FRMD6: variants seen among roughly 807,000 people sequenced by gnomAD.
FRMD6 encodes FERM domain containing 6.
In FRMD6, 37 loss-of-function variants were observed where a neutral mutation model predicts 73.2. The observed-to-expected ratio is 0.51, with a 90% CI of 0.39 to 0.66. FRMD6 has a LOEUF of 0.66. FRMD6 is among the 30% of genes least tolerant of loss of function. The pLI is 0.00. For synonymous variants in FRMD6, 273 were observed against 282.2 expected, an observed-to-expected ratio of 0.97 and a Z score of 0.33; for missense variants, 714 against 780.5, an observed-to-expected ratio of 0.91 and a Z score of 1.02.
intron 1 of FRMD6, among the ~76,000 whole-genome samples, chr14:51,490,616 TTG>T (rs58046471): frequency 4.6e-4 from 68 of 148,092 alleles, no homozygotes; most frequent in African/African-American, 1.6e-3. Flanking sequence ...TGTGTGTATT[TTG>T]TGTGTGTGTG....
At chr14:51,432,522 A>G in the FRMD6 span, among the ~76,000 whole-genome samples, 7 of 152,162 alleles carry the variant, frequency 4.6e-5, no homozygotes, top group African/African-American at 1.7e-4. Flanking sequence ...CCCAGTATGA[A>G]ACATGAGGAC....
intron 6 of FRMD6, among the ~76,000 whole-genome samples, chr14:51,707,469 C>T (rs1333496902): frequency 1.3e-5 from 2 of 152,136 alleles, no homozygotes; most frequent in Admixed American, 6.6e-5. Context: ...TCTGAAAGCC[C>T]AGAGTACTGT....
At chr14:51,654,180 C>T (rs938225286) in intron 1 of FRMD6, among the ~76,000 whole-genome samples, 4 of 151,894 alleles carry the variant, frequency 2.6e-5, no homozygotes, top group African/African-American at 7.3e-5. Flanking sequence ...TACAGGAAAA[C>T]GCCTGAAAAC....
chr14:51,607,993 G>A (rs1359080520), intron 2 of FRMD6, among the ~76,000 whole-genome samples: 1 of 152,198 alleles, frequency 6.6e-6, no homozygotes, highest in African/African-American at 2.4e-5. Flanking sequence ...ATTATTTGAG[G>A]CTCTGGGCAG....
chr14:51,508,861 C>T (rs1398093343), intron 1 of FRMD6, among the ~76,000 whole-genome samples: 1 of 152,198 alleles, frequency 6.6e-6, no homozygotes, highest in African/African-American at 2.4e-5. Context: ...TCACTCTCTT[C>T]CCACCCTTTT....
the FRMD6 span, among the ~76,000 whole-genome samples, chr14:51,475,190 AT>A: frequency 1.3e-5 from 2 of 152,008 alleles, no homozygotes; most frequent in Non-Finnish European, 2.9e-5. Flanking sequence ...AGCCAATTAT[AT>A]TTTTCATTAT....
At chr14:51,426,422 A>G in the FRMD6 span, among the ~76,000 whole-genome samples, 1 of 151,974 alleles carries the variant, frequency 6.6e-6, no homozygotes, top group Non-Finnish European at 1.5e-5. Context: ...AGAAGTCTCT[A>G]CTTTTGTCTG....
chr14:51,659,091 A>C (rs1222010165), intron 1 of FRMD6, among the ~76,000 whole-genome samples: 1 of 152,176 alleles, frequency 6.6e-6, no homozygotes, highest in East Asian at 1.9e-4. Context: ...ATAGTAAAAT[A>C]TAATGATAGG....
At chr14:51,533,323 A>G (rs1191877696) in intron 1 of FRMD6, among the ~76,000 whole-genome samples, 1 of 152,170 alleles carries the variant, frequency 6.6e-6, no homozygotes, top group African/African-American at 2.4e-5. Flanking sequence ...ACAAGGATTT[A>G]TTTCTTAGAG....
At position 51,490,288 on chromosome 14, in the gene FRMD6, A is replaced by G. The variant is rs113375276; in HGVS notation, c.-210+868A>G. On this transcript the variant is annotated intron_variant, in intron 1 of 14. Coordinates refer to the FRMD6 transcript ENST00000356218. ...CAATCAGTTCTCAGAGAAGCTACTT[A>G]TGAACTGTGTCATCACATTACTTTT... 7.5e-4 allele frequency among the ~76,000 whole-genome samples: 115 copies of G among 152,376 alleles called. 1 individual carries two copies. The highest frequency in any genetic ancestry group is 4.1e-3 in the South Asian group (20 of 4,824).
intron 2 of FRMD6, among the ~76,000 whole-genome samples, chr14:51,625,228 A>C (rs1457324972): frequency 6.6e-6 from 1 of 152,176 alleles, no homozygotes; most frequent in Non-Finnish European, 1.5e-5. Flanking sequence ...CAATCTGCAT[A>C]TTTAGAATGG....
At chr14:51,657,528 T>TG (rs1405516898) in intron 1 of FRMD6, among the ~76,000 whole-genome samples, 2 of 152,204 alleles carry the variant, frequency 1.3e-5, no homozygotes, top group African/African-American at 4.8e-5. Context: ...TCCAAATTGA[T>TG]GTAGGTCGCA....
chr14:51,695,249 G>T (rs1344267640), intron 2 of FRMD6, among the ~76,000 whole-genome samples: 1 of 152,134 alleles, frequency 6.6e-6, no homozygotes. Flanking sequence ...GTAGTATATA[G>T]TTCAACTTAA....
At chr14:51,529,498 T>C (rs1885459525) in intron 1 of FRMD6, among the ~76,000 whole-genome samples, 1 of 152,210 alleles carries the variant, frequency 6.6e-6, no homozygotes, top group Non-Finnish European at 1.5e-5. Context: ...GCACAACTAC[T>C]ATTGTTCAGG....
intron 1 of FRMD6, among the ~76,000 whole-genome samples, chr14:51,517,806 G>T (rs1884713844): frequency 6.6e-6 from 1 of 152,082 alleles, no homozygotes; most frequent in South Asian, 2.1e-4. Flanking sequence ...ATACAAGCTG[G>T]CTCTCCGGTA....
intron 1 of FRMD6, among the ~76,000 whole-genome samples, chr14:51,563,537 G>A (rs1887601435): frequency 6.6e-6 from 1 of 152,140 alleles, no homozygotes. Context: ...GGGCATGGTG[G>A]TGGGTGCCTG....
chr14:51,433,800 C>T, the FRMD6 span, among the ~76,000 whole-genome samples: 1 of 152,184 alleles, frequency 6.6e-6, no homozygotes, highest in African/African-American at 2.4e-5. Flanking sequence ...GTCCCCCTCT[C>T]CCATTATAAT....
chr14:51,616,665 G>A (rs917838244), intron 2 of FRMD6, among the ~76,000 whole-genome samples: 2 of 152,144 alleles, frequency 1.3e-5, no homozygotes, highest in East Asian at 3.9e-4. Flanking sequence ...GGGAACTGAG[G>A]CATGAGAGAG....
At chr14:51,408,914 C>G in the FRMD6 span, among the ~76,000 whole-genome samples, 3 of 152,142 alleles carry the variant, frequency 2.0e-5, no homozygotes, top group Non-Finnish European at 4.4e-5. Flanking sequence ...GGTTCCTGGG[C>G]TACTACAAAC....
Sources: gnomAD v4.1 joint callset for allele counts (sites outside exome capture counted in the v4.1 genomes callset) on GRCh38, gnomAD v4.1.1 for gene constraint, MANE v1.5 for transcripts, NCBI Gene and HGNC (gene_info 2026-07-23, HGNC 2026-07-21) for gene names.